The following FLNB variants were observed in gnomAD, a reference collection of about 807,000 sequenced individuals.
FLNB encodes filamin B.
A neutral mutation model predicts 250.6 loss-of-function variants in FLNB; 111 were observed. The observed-to-expected ratio is 0.44, with a 90% CI of 0.38 to 0.52. The LOEUF (loss-of-function observed/expected upper bound fraction) is 0.52. Ranked by LOEUF, FLNB falls within the 20% of genes least tolerant of loss-of-function variation. The pLI is 0.00. For missense variants in FLNB, 2,869 were observed against 3,447.8 expected (o/e 0.83, Z 4.20); for synonymous variants, 1,302 against 1,372.1 (o/e 0.95, Z 1.13).
At chr3:58,134,572 A>C (rs113271519) in intron 26 of FLNB, 44 bp from the exon 27 acceptor site, 1 of 1,611,396 alleles carries the variant, frequency 6.2e-7, no homozygotes, top group Non-Finnish European at 8.5e-7. Flanking sequence ...CTGGGTTGAC[A>C]TGTATCTTTA....
At chr3:58,127,921 TTC>T (rs2097300607) in intron 24 of FLNB, among the ~76,000 whole-genome samples, 1 of 152,120 alleles carries the variant, frequency 6.6e-6, no homozygotes, top group Admixed American at 6.5e-5. Flanking sequence ...TAGTGGTGAA[TTC>T]TGAGACCACC....
At chr3:58,150,271 C>G (rs1276850020) in intron 38 of FLNB, 44 bp downstream of exon 38, 4 of 1,613,220 alleles carry the variant, frequency 2.5e-6, no homozygotes, top group Non-Finnish European at 3.4e-6. Flanking sequence ...TTGGCTCCAG[C>G]CTTCAGGGCA....
At chr3:58,156,151 A>G (rs554729004) in intron 41 of FLNB, 76 bp downstream of exon 41, 31 of 1,111,966 alleles carry the variant, frequency 2.8e-5, no homozygotes, top group East Asian at 7.1e-5. Flanking sequence ...GGCTGCTTCA[A>G]TGTCCCCTTA....
chr3:58,112,349 C>T (rs776859675), intron 18 of FLNB, 31 bp downstream of exon 18: 2 of 1,606,940 alleles, frequency 1.2e-6, no homozygotes, highest in Non-Finnish European at 1.7e-6. Context: ...GCTCCCCTGG[C>T]CCCCAGCCAG....
chr3:58,100,373 A>AATATATATATATATAT (rs1553696177), intron 8 of FLNB, among the ~76,000 whole-genome samples: 27 of 104,310 alleles, frequency 2.6e-4, no homozygotes, highest in Admixed American at 4.2e-4. Context: ...GTAAAAAAAA[A>AATATATATATATATAT]ATATATATAT....
chr3:58,016,417 G>C (rs1045708078), intron 1 of FLNB, among the ~76,000 whole-genome samples: 3 of 150,908 alleles, frequency 2.0e-5, no homozygotes, highest in African/African-American at 7.3e-5. Flanking sequence ...GGTCTCACCT[G>C]TTGCTCCAGT....
intron 2 of FLNB, 76 bp from the exon 3 acceptor site, chr3:58,078,641 T>A: frequency 6.6e-7 from 1 of 1,511,896 alleles, no homozygotes. Context: ...AAAAATGGGG[T>A]TAGTTTAGGC....
chr3:58,078,120 T>G, intron 2 of FLNB: 46 of 250,346 alleles, frequency 1.8e-4, no homozygotes, highest in Non-Finnish European at 2.7e-4. Flanking sequence ...CATTCTTACT[T>G]GAGAGCCTAT....
At chr3:58,009,007 A>G in intron 1 of FLNB, 151 bp downstream of exon 1, 4 of 868,694 alleles carry the variant, frequency 4.6e-6, no homozygotes, top group South Asian at 1.6e-5. Context: ...GGGGGCCTAG[A>G]CCCCCTCCCC....
chr3:58,116,829 A>G (rs979023724), intron 18 of FLNB, among the ~76,000 whole-genome samples: 1 of 152,114 alleles, frequency 6.6e-6, no homozygotes, highest in African/African-American at 2.4e-5. Flanking sequence ...CAATGTCTCC[A>G]TTACGTGCTG....
chr3:58,148,978 T>C, intron 36 of FLNB, 126 bp downstream of exon 36: 1 of 847,132 alleles, frequency 1.2e-6, no homozygotes, highest in Non-Finnish European at 1.9e-6. Flanking sequence ...TATAGGTCCT[T>C]CTGCCTGCAT....
intron 1 of FLNB, among the ~76,000 whole-genome samples, chr3:58,074,873 C>T (rs1451538287): frequency 1.3e-5 from 2 of 152,172 alleles, no homozygotes; most frequent in African/African-American, 4.8e-5. Flanking sequence ...TTACCAGCCA[C>T]TCCATGATAC....
rs1173876034 is a variant in FLNB, at chr3:58,154,831, C to T, written c.6675C>T (p.Gly2225=). 2 of 1,613,614 alleles carry T rather than the reference C, an allele frequency of 1.2e-6. No homozygotes were observed. The highest frequency in any genetic ancestry group is 1.7e-5 in the Admixed American group (1 of 60,012). ...SIWTREAGAG[G]LSIAVEGPSK... ...GGACCCGGGAAGCAGGCGCTGGAGGCCTCTCCATCGCTGTTGAGGGCCCCA... is the reference window on the plus strand; with the variant it reads ...GGACCCGGGAAGCAGGCGCTGGAGGTCTCTCCATCGCTGTTGAGGGCCCCA... The change falls in exon 40 of 46, where the codon GGC becomes GGT. Residue 2225 remains glycine, a synonymous_variant. Coordinates refer to ENST00000295956, the MANE Select transcript of FLNB (RefSeq NM_001457.4).
chr3:58,043,045 C>G (rs1191667292), intron 1 of FLNB, among the ~76,000 whole-genome samples: 1 of 151,830 alleles, frequency 6.6e-6, no homozygotes, highest in Non-Finnish European at 1.5e-5. Flanking sequence ...GGGAAATTTC[C>G]TAGAGTTTTG....
chr3:58,099,842 T>C (rs2097246503), intron 8 of FLNB, among the ~76,000 whole-genome samples: 1 of 152,204 alleles, frequency 6.6e-6, no homozygotes, highest in Non-Finnish European at 1.5e-5. Context: ...GCAGGTGTTA[T>C]TATTACAGCC....
chr3:58,031,384 A>G (rs2577312), intron 1 of FLNB, among the ~76,000 whole-genome samples: 112,705 of 150,728 alleles, frequency 0.75, 43,133 homozygotes, highest in East Asian at 0.94. Flanking sequence ...CTGGGACTAC[A>G]GGCGCCCGCC....
chr3:58,149,100 A>G, intron 36 of FLNB: 1 of 520,038 alleles, frequency 1.9e-6, no homozygotes, highest in Non-Finnish European at 3.5e-6. Context: ...ATCTGAACCC[A>G]GAGCCACAAC....
At chr3:58,157,033 C>G (rs575105040) in intron 41 of FLNB, among the ~76,000 whole-genome samples, 33 of 152,294 alleles carry the variant, frequency 2.2e-4, no homozygotes, top group Non-Finnish European at 4.7e-4. Flanking sequence ...CTCTAACCCC[C>G]ACCTGATGTT....
Position 58,124,373 on chromosome 3 carries a change from C to A in FLNB, c.3766C>A (p.Arg1256=), listed in dbSNP as rs139944866. ...TACCACCGACTTTACAGTTGACTCTCGGCCGCTGACCCAGGTTGGGGGTGA... is the reference window on the plus strand; with the variant it reads ...TACCACCGACTTTACAGTTGACTCTAGGCCGCTGACCCAGGTTGGGGGTGA... ...EATTDFTVDS[R]PLTQVGGDHI... The change falls in exon 22 of 46, where the codon CGG becomes AGG. Residue 1256 remains arginine, a synonymous_variant. Transcript: ENST00000295956. 7.4e-6 allele frequency: 12 copies of A among 1,614,224 alleles called. No homozygotes were observed. The Admixed American group carries it at 2.0e-4, about 27-fold the overall frequency.
Sources: allele counts gnomAD v4.1 joint callset (sites outside exome capture counted in the v4.1 genomes callset), GRCh38; gene constraint gnomAD v4.1.1; transcripts MANE v1.5; gene names NCBI Gene and HGNC (gene_info 2026-07-23, HGNC 2026-07-21).